ITGB4: variants seen among roughly 807,000 people sequenced by gnomAD.
ITGB4 encodes integrin subunit beta 4, also known as integrin beta-4.
In ITGB4, 159 loss-of-function variants were observed where a neutral mutation model predicts 207.6. The observed-to-expected ratio is 0.77, with a 90% confidence interval of 0.67 to 0.87. ITGB4 has a LOEUF of 0.87. Among genes scored for constraint, ITGB4 ranks in the 40% least tolerant of loss-of-function variants. ITGB4 has a pLI of 0.00. For synonymous variants in ITGB4, 1,020 were observed against 1,062.7 expected (o/e 0.96, Z 0.78); for missense variants, 2,278 against 2,546.8 (o/e 0.89, Z 2.27).
At position 75,739,653 on chromosome 17, in the gene ITGB4, C is replaced by A; in HGVS notation, c.2221-19C>A. On this transcript the variant is annotated intron_variant, in intron 18 of 39. Transcript: ENST00000200181. This position sits in a 1 kb window ranked among gnomAD's most constrained non-coding sequence, Gnocchi z 5.4. ...GGGCAGCTGTCTCAGGCCTCACCCT[C>A]ACCCACCTTGTCTCCTAGGCCTGCC... 6.2e-7 allele frequency: 1 copy of A among 1,614,104 alleles called. No homozygotes were observed. The highest frequency in any genetic ancestry group is 8.5e-7 in the Non-Finnish European group (1 of 1,180,006).
intron 26 of ITGB4, 46 bp from the exon 27 acceptor site, chr17:75,748,795 C>A: frequency 6.7e-7 from 1 of 1,485,580 alleles, no homozygotes; most frequent in Non-Finnish European, 9.2e-7. Flanking sequence ...TGACTCTTGC[C>A]TCAGCCCCCA....
At chr17:75,736,185 G>A (rs2060970879) in intron 14 of ITGB4, 31 bp downstream of exon 14, 2 of 1,609,482 alleles carry the variant, frequency 1.2e-6, no homozygotes, top group Non-Finnish European at 1.7e-6. Context: ...GACAGTGTCT[G>A]TCAGCACCAC....
At chr17:75,741,134 G>T (rs1374450843) in intron 23 of ITGB4, 129 bp downstream of exon 23, 26 of 1,044,604 alleles carry the variant, frequency 2.5e-5, no homozygotes, top group Non-Finnish European at 3.7e-5. Flanking sequence ...TGTCCGTCAG[G>T]TTCGGACCTT....
Position 75,740,542 on chromosome 17 carries a change from G to A in ITGB4, c.2550+81G>A, listed in dbSNP as rs560664294. On this transcript the variant is annotated intron_variant, in intron 21 of 39. Coordinates refer to ENST00000200181, the MANE Select transcript of ITGB4 (RefSeq NM_000213.5). This position sits in a 1 kb window ranked among gnomAD's most constrained non-coding sequence, Gnocchi z 5.9. ...TGGGCAGGGCAGAGCGAATGCGGTC[G>A]TGGTACCGAGATTCATTAACTAGGG... 8.9e-4 allele frequency: 1,074 copies of A among 1,210,598 alleles called. 1 individual carries two copies. The highest frequency in any genetic ancestry group is 1.2e-3 in the Non-Finnish European group (953 of 825,174). The allele number at this position is 1,210,598 out of a possible 1,614,324, so 75.0% of individuals were successfully genotyped here.
chr17:75,755,361 T>G, intron 34 of ITGB4: 1 of 875,388 alleles, frequency 1.1e-6, no homozygotes, highest in Non-Finnish European at 1.7e-6. Flanking sequence ...CCACCTGCCC[T>G]ACCATCAGTG....
chr17:75,736,978 G>A (rs1043156201), intron 16 of ITGB4, among the ~76,000 whole-genome samples: 4 of 152,186 alleles, frequency 2.6e-5, no homozygotes, highest in African/African-American at 9.7e-5. Context: ...ACTTGGGCAG[G>A]GGCATGCACC....
At chr17:75,734,603 AATGGAGGAGG>A (rs1469174406) in intron 13 of ITGB4, among the ~76,000 whole-genome samples, 2 of 152,210 alleles carry the variant, frequency 1.3e-5, no homozygotes, top group African/African-American at 4.8e-5. Flanking sequence ...TTGGTAGTTG[AATGGAGGAGG>A]ATGAATGAAA....
Position 75,740,230 on chromosome 17 carries a change from C to T in ITGB4, c.2447-128C>T, listed in dbSNP as rs1279534394. On this transcript the variant is annotated intron_variant, in intron 20 of 39. Coordinates refer to ENST00000200181, the MANE Select transcript of ITGB4 (RefSeq NM_000213.5). This position sits in a 1 kb window ranked among gnomAD's most constrained non-coding sequence, Gnocchi z 5.9. ...TGATGGTGCTATGAACCTCATGCCT[C>T]GGTGTGCGTGGCCTGCTGGCCAGGC... 1.6e-5 allele frequency: 20 copies of T among 1,212,190 alleles called. No individual in the cohort carries two copies. Among genetic ancestry groups the T allele is most frequent in the Admixed American group, 8.0e-5 (4 of 50,128 alleles). 75.1% of individuals were successfully genotyped at this position (1,212,190 alleles called of 1,614,324 possible). A position where few individuals can be genotyped will look rare whatever the true frequency, so the allele number is the denominator to read the frequency against.
chr17:75,732,932 CA>C lies in ITGB4; in HGVS notation c.1455-552del, dbSNP rs1485278173. ...TGAAATCCCATCTCTACTAAAAATA[CA>C]AAAAAGTAGCTGGGCGTGGTGGTGC... is the stretch of plus-strand genomic sequence containing the variant. On this transcript the variant is annotated intron_variant, in intron 12 of 39. Coordinates refer to ENST00000200181, the MANE Select transcript of ITGB4 (RefSeq NM_000213.5). This position sits in a 1 kb window ranked among gnomAD's most constrained non-coding sequence, Gnocchi z 5.3. Among the ~76,000 whole-genome samples the C allele has an allele frequency of 6.6e-6, 1 of 150,938 alleles. No homozygotes were observed. Among genetic ancestry groups the C allele is most frequent in the Non-Finnish European group, 1.5e-5 (1 of 67,844 alleles).
rs371834164 is a variant in ITGB4 at position 75,740,728 on chromosome 17, C to A, written c.2551-65C>A. 1 of 1,574,694 alleles carries A rather than the reference C, an allele frequency of 6.4e-7. No homozygotes were observed. The highest frequency in any genetic ancestry group is 8.7e-7 in the Non-Finnish European group (1 of 1,146,720). On this transcript the variant is annotated intron_variant, in intron 21 of 39. Coordinates refer to ENST00000200181, the MANE Select transcript of ITGB4 (RefSeq NM_000213.5). The surrounding 1 kb of genome is among the most constrained non-coding windows in gnomAD (Gnocchi z 5.9). ...CAGAGGCTGCCTGGCTCCCTGGGTC[C>A]CCAGCCTGAGGGCTTGCCACGGGGT...
Position 75,740,516 on chromosome 17 carries a change from G to C in ITGB4, c.2550+55G>C, listed in dbSNP as rs752877561. 3 of 1,407,964 alleles carry C rather than the reference G, an allele frequency of 2.1e-6. No individual in the cohort carries two copies. The African/African-American group carries it at 4.2e-5, about 20-fold the overall frequency. 87.2% of individuals were successfully genotyped at this position (1,407,964 alleles called of 1,614,324 possible). On this transcript the variant is annotated intron_variant, in intron 21 of 39. Transcript: ENST00000200181. The surrounding 1 kb of genome is among the most constrained non-coding windows in gnomAD (Gnocchi z 5.9). ...AGATGTGGGTATGAGGGCGGGTGAG[G>C]TGGGCAGGGCAGAGCGAATGCGGTC... is the stretch of plus-strand genomic sequence containing the variant.
chr17:75,756,404 G>C (rs1376649571), intron 35 of ITGB4, 25 bp from the exon 36 acceptor site: 2 of 1,612,520 alleles, frequency 1.2e-6, no homozygotes, highest in Non-Finnish European at 1.7e-6. Context: ...CTGCACTACT[G>C]TGTGCCCCCA....
intron 34 of ITGB4, 130 bp downstream of exon 34, chr17:75,754,945 C>T (rs779944362): frequency 2.1e-5 from 30 of 1,450,026 alleles, no homozygotes; most frequent in South Asian, 5.8e-5. Context: ...CACACATGCA[C>T]GCACACACGT....
In ITGB4 at chr17:75,727,172, T is replaced by C; in HGVS notation, c.80-23T>C. 6.2e-7 allele frequency: 1 copy of C among 1,611,270 alleles called. No individual in the cohort carries two copies. Among genetic ancestry groups the C allele is most frequent in the South Asian group, 1.1e-5 (1 of 90,708 alleles). ...CCTTTGCTGAGCGCCTCCCCATTCA[T>C]GTGCCCACATCTGTCCCCCCAGCAA... is the stretch of plus-strand genomic sequence containing the variant. On this transcript the variant is annotated intron_variant, in intron 2 of 39. Transcript: ENST00000200181. This position sits in a 1 kb window ranked among gnomAD's most constrained non-coding sequence, Gnocchi z 6.0.
At position 75,750,414 on chromosome 17, in the gene ITGB4, C is replaced by A; in HGVS notation, c.3474+146C>A. 1 of 920,164 alleles carries A rather than the reference C, an allele frequency of 1.1e-6. No individual in the cohort carries two copies. The highest frequency in any genetic ancestry group is 1.6e-6 in the Non-Finnish European group (1 of 615,386). The allele number at this position is 920,164 out of a possible 1,614,324, so 57.0% of individuals were successfully genotyped here. ...ACAGGTGGTCAGAGGGAAACCCGGT[C>A]TGTGCTGGGAAAGAGGGAAGACCCA... On this transcript the variant is annotated intron_variant, in intron 28 of 39. Coordinates refer to ENST00000200181, the MANE Select transcript of ITGB4 (RefSeq NM_000213.5). This position sits in a 1 kb window ranked among gnomAD's most constrained non-coding sequence, Gnocchi z 5.5.
chr17:75,724,598 C>A, intron 1 of ITGB4, 96 bp from the exon 2 acceptor site: 1 of 981,120 alleles, frequency 1.0e-6, no homozygotes, highest in Non-Finnish European at 1.6e-6. Flanking sequence ...TGTTGGTGCT[C>A]AGAGCCTCAG....
rs765333361 is a variant in ITGB4, at chr17:75,750,131, A to AT, written c.3337_3338insT (p.Thr1113IlefsTer24). 6.2e-7 allele frequency: 1 copy of AT among 1,613,664 alleles called. No homozygotes were observed. The highest frequency in any genetic ancestry group is 8.5e-7 in the Non-Finnish European group (1 of 1,180,008). ...GTTAGATGAACTGGACCGGAGCTTCACGAGTCAGATGTTGTCATCACAGCC... is the reference window on the plus strand; with the variant it reads ...GTTAGATGAACTGGACCGGAGCTTCATCGAGTCAGATGTTGTCATCACAGCC... On this transcript the variant is annotated frameshift_variant, in exon 28 of 40. Coordinates refer to ENST00000200181, the MANE Select transcript of ITGB4 (RefSeq NM_000213.5). LOFTEE classifies it high-confidence loss of function. The surrounding 1 kb of genome is among the most constrained non-coding windows in gnomAD (Gnocchi z 5.5).
Position 75,724,726 on chromosome 17 carries a change from C to T in ITGB4, c.23C>T (p.Pro8Leu), listed in dbSNP as rs1180093286. Residue 8 changes from proline to leucine, a missense_variant, in exon 2 of 40, where the codon CCA becomes CTA. By Grantham distance (98) the Pro-to-Leu change is moderately conservative. Transcript: ENST00000200181. MAGPRPS[P>L]WARLLLAALI... ...AGGATGGCAGGGCCACGCCCCAGCC[C>T]ATGGGCCAGGCTGCTCCTGGCAGCC... 1.2e-6 allele frequency: 2 copies of T among 1,613,876 alleles called. No individual in the cohort carries two copies. Among genetic ancestry groups the T allele is most frequent in the Non-Finnish European group, 8.5e-7 (1 of 1,180,024 alleles).
chr17:75,736,400 C>T lies in ITGB4; in HGVS notation c.1860+14C>T. On this transcript the variant is annotated intron_variant, in intron 15 of 39. Coordinates refer to ENST00000200181, the MANE Select transcript of ITGB4 (RefSeq NM_000213.5). ...AACTACTCGGCGGTGAGGCTAAGAC[C>T]TACGAGGTGTGGGCGTGGGAACAGG... 6.2e-7 allele frequency: 1 copy of T among 1,613,518 alleles called. No homozygotes were observed. Among genetic ancestry groups the T allele is most frequent in the Non-Finnish European group, 8.5e-7 (1 of 1,179,436 alleles).
Sources: allele counts gnomAD v4.1 joint callset (sites outside exome capture counted in the v4.1 genomes callset), GRCh38; gene constraint gnomAD v4.1.1; non-coding constraint Gnocchi (gnomAD v3.1); transcripts MANE v1.5; gene names NCBI Gene and HGNC (gene_info 2026-07-23, HGNC 2026-07-21).